Variants in MDGA2 observed in about 807,000 individuals in gnomAD.
MDGA2 encodes the protein MAM domain-containing glycosylphosphatidylinositol anchor protein 2.
Under a neutral mutation model 117.8 loss-of-function variants are expected in MDGA2, and 40 were observed. That is an observed-to-expected ratio of 0.34 (90% CI 0.26 to 0.44). MDGA2 has a LOEUF of 0.44. MDGA2 is among the 20% of genes least tolerant of loss of function. The pLI is 1.00. For missense variants in MDGA2, 1,123 were observed against 1,250.6 expected (o/e 0.90, Z 1.54); for synonymous variants, 452 against 439.0 (o/e 1.03, Z -0.37).
chr14:47,042,318 T>TG (rs1889101679), intron 7 of MDGA2, among the ~76,000 whole-genome samples: 1 of 92,062 alleles, frequency 1.1e-5, no homozygotes, highest in Admixed American at 1.1e-4. Flanking sequence ...CTATGTTTTT[T>TG]TTTTTTTTTT....
At chr14:47,408,418 G>A (rs1202078862) in intron 1 of MDGA2, among the ~76,000 whole-genome samples, 1 of 152,146 alleles carries the variant, frequency 6.6e-6, no homozygotes, top group Non-Finnish European at 1.5e-5. Context: ...GTAGACAACT[G>A]TCTCTCGCTG....
intron 3 of MDGA2, among the ~76,000 whole-genome samples, chr14:47,151,569 TTC>T (rs1442122502): frequency 2.0e-5 from 3 of 152,162 alleles, no homozygotes; most frequent in South Asian, 2.1e-4. Flanking sequence ...CTGAACTCTC[TTC>T]TGTTATTGTT....
chr14:46,935,883 G>T (rs1009432042), intron 9 of MDGA2, among the ~76,000 whole-genome samples: 1 of 152,064 alleles, frequency 6.6e-6, no homozygotes, highest in Non-Finnish European at 1.5e-5. Flanking sequence ...TTACTTGACA[G>T]AACTGATTTA....
chr14:47,128,877 G>A (rs1456039433), intron 5 of MDGA2, among the ~76,000 whole-genome samples: 1 of 151,708 alleles, frequency 6.6e-6, no homozygotes, highest in Non-Finnish European at 1.5e-5. Context: ...TGTATTTTGA[G>A]ACGAGGTTTC....
At chr14:47,110,378 TG>T (rs906380572) in intron 5 of MDGA2, among the ~76,000 whole-genome samples, 4 of 152,320 alleles carry the variant, frequency 2.6e-5, no homozygotes, top group African/African-American at 9.6e-5. Context: ...AGCTCTTTTC[TG>T]AGTGTAAAAT....
At chr14:47,261,943 C>T (rs976113745) in intron 2 of MDGA2, among the ~76,000 whole-genome samples, 1 of 152,054 alleles carries the variant, frequency 6.6e-6, no homozygotes, top group African/African-American at 2.4e-5. Flanking sequence ...ATAAAGAAAG[C>T]AACACTCATT....
intron 1 of MDGA2, among the ~76,000 whole-genome samples, chr14:47,651,969 G>C (rs1419273724): frequency 1.3e-5 from 2 of 152,140 alleles, no homozygotes; most frequent in Non-Finnish European, 2.9e-5. Context: ...GTAAAAATGT[G>C]AAAGAGACAG....
At chr14:47,350,609 G>A (rs1014060745) in intron 1 of MDGA2, among the ~76,000 whole-genome samples, 3 of 152,160 alleles carry the variant, frequency 2.0e-5, no homozygotes, top group Non-Finnish European at 4.4e-5. Flanking sequence ...GGGAGTGTAA[G>A]ACAATATAAA....
downstream of MDGA2, among the ~76,000 whole-genome samples, chr14:46,839,884 A>C (rs993658413): frequency 3.4e-4 from 51 of 152,122 alleles, no homozygotes; most frequent in African/African-American, 1.2e-3. Context: ...TATATGTTTC[A>C]TATTTTACCT....
intron 15 of MDGA2, among the ~76,000 whole-genome samples, chr14:46,854,146 T>C (rs1217968379): frequency 1.3e-5 from 2 of 151,642 alleles, no homozygotes; most frequent in African/African-American, 4.8e-5. Flanking sequence ...AATTAAAAAC[T>C]GGCACGATTT....
chr14:47,101,075 C>CGATAGATA (rs57541385), intron 5 of MDGA2, among the ~76,000 whole-genome samples: 4,682 of 140,124 alleles, frequency 0.033, 106 homozygotes, highest in South Asian at 0.039. Flanking sequence ...AATGGAGGGA[C>CGATAGATA]GATAGATAGA....
At chr14:47,024,253 G>C (rs1019877191) in intron 8 of MDGA2, among the ~76,000 whole-genome samples, 1 of 152,092 alleles carries the variant, frequency 6.6e-6, no homozygotes, top group African/African-American at 2.4e-5. Flanking sequence ...TGAAAACTTT[G>C]TGTACTGAAA....
intron 3 of MDGA2, among the ~76,000 whole-genome samples, chr14:47,197,742 C>T (rs1885340126): frequency 1.3e-5 from 2 of 152,078 alleles, no homozygotes; most frequent in Admixed American, 1.3e-4. Flanking sequence ...AACCCCGTCT[C>T]TACTAAAAAT....
chr14:46,988,881 T>C (rs1452773369), intron 8 of MDGA2, among the ~76,000 whole-genome samples: 2 of 151,734 alleles, frequency 1.3e-5, no homozygotes, highest in Non-Finnish European at 2.9e-5. Flanking sequence ...CGCAACAGAA[T>C]CCCATGTGTT....
intron 2 of MDGA2, among the ~76,000 whole-genome samples, chr14:47,264,471 A>G (rs960782980): frequency 6.6e-6 from 1 of 152,164 alleles, no homozygotes; most frequent in African/African-American, 2.4e-5. Flanking sequence ...AAAAAGACAG[A>G]GTGAATTGGA....
chr14:46,960,896 G>GTA (rs1310867224), intron 8 of MDGA2, among the ~76,000 whole-genome samples: 3 of 145,062 alleles, frequency 2.1e-5, no homozygotes. Flanking sequence ...ATACATATAT[G>GTA]TATATATATT....
intron 7 of MDGA2, among the ~76,000 whole-genome samples, chr14:47,036,987 A>T (rs1328323833): frequency 6.6e-6 from 1 of 152,256 alleles, no homozygotes; most frequent in Non-Finnish European, 1.5e-5. Flanking sequence ...CTAGAAATTG[A>T]CATTAACAAA....
chr14:47,091,373 T>C (rs1048707295), intron 6 of MDGA2, among the ~76,000 whole-genome samples: 1 of 151,802 alleles, frequency 6.6e-6, no homozygotes, highest in East Asian at 1.9e-4. Context: ...AAGCAGACAA[T>C]AAGTAAGGAA....
At chr14:47,473,564 T>C (rs1893773774) in intron 1 of MDGA2, among the ~76,000 whole-genome samples, 2 of 151,514 alleles carry the variant, frequency 1.3e-5, no homozygotes, top group South Asian at 4.2e-4. Context: ...AAAAACACTA[T>C]GAAGAAAATT....
Sources: gnomAD v4.1 joint callset for allele counts (sites outside exome capture counted in the v4.1 genomes callset) on GRCh38, gnomAD v4.1.1 for gene constraint, MANE v1.5 for transcripts, NCBI Gene and HGNC (gene_info 2026-07-23, HGNC 2026-07-21) for gene names.